The following PDE11A variants were observed in gnomAD, a reference collection of about 807,000 sequenced individuals.
The protein encoded by PDE11A is dual 3',5'-cyclic-AMP and -GMP phosphodiesterase 11A.
PDE11A carries 100 observed loss-of-function variants against 100.5 expected under a neutral mutation model. The observed-to-expected ratio is 1.00, with a 90% CI of 0.85 to 1.18. The LOEUF (loss-of-function observed/expected upper bound fraction) is 1.18. Among genes scored for constraint, PDE11A ranks in the 50% most tolerant of loss-of-function variants. The pLI, the probability that PDE11A is intolerant of heterozygous loss-of-function variation, is 0.00. For synonymous variants in PDE11A, 381 were observed against 420.8 expected, an observed-to-expected ratio of 0.91 and a Z score of 1.16; for missense variants, 1,141 against 1,152.6, an observed-to-expected ratio of 0.99 and a Z score of 0.15.
intron 9 of PDE11A, among the ~76,000 whole-genome samples, chr2:177,793,230 C>T (rs1375988609): frequency 6.6e-6 from 1 of 152,164 alleles, no homozygotes; most frequent in Admixed American, 6.5e-5. Flanking sequence ...AAGAGGCTGA[C>T]ATTGTCTCAT....
intron 2 of PDE11A, among the ~76,000 whole-genome samples, chr2:177,956,921 A>G (rs1253180510): frequency 1.3e-5 from 2 of 152,048 alleles, no homozygotes; most frequent in African/African-American, 4.8e-5. Context: ...GGGGTGGGGG[A>G]GGGATAGCAT....
At chr2:177,872,418 T>C (rs2084152408) in intron 5 of PDE11A, among the ~76,000 whole-genome samples, 1 of 152,192 alleles carries the variant, frequency 6.6e-6, no homozygotes, top group African/African-American at 2.4e-5. Flanking sequence ...TTTCCAGCTC[T>C]TGAATTGATT....
At position 177,853,730 on chromosome 2, in the gene PDE11A, G is replaced by GTA. The variant is rs1553482776; in HGVS notation, c.1368-13349_1368-13348dup. 2.1e-4 allele frequency among the ~76,000 whole-genome samples: 19 copies of GTA among 88,552 alleles called. 1 individual carries two copies. In the South Asian group the frequency reaches 2.3e-3, roughly 11 times the overall value. 58.1% of individuals were successfully genotyped at this position (88,552 alleles called of 152,430 possible). A position where few individuals can be genotyped will look rare whatever the true frequency, so the allele number is the denominator to read the frequency against. Reference sequence around the variant, plus strand: ...TGTGTGTGTTTGTGTGTGTGTGTGTGTATATCTATATGTGTGTATATATAT... The same window carrying GTA: ...TGTGTGTGTTTGTGTGTGTGTGTGTGTATATATCTATATGTGTGTATATATAT... On this transcript the variant is annotated intron_variant, in intron 5 of 19. Coordinates refer to ENST00000286063, the MANE Select transcript of PDE11A (RefSeq NM_016953.4).
chr2:177,648,977 A>G (rs2080264345), intron 19 of PDE11A, among the ~76,000 whole-genome samples: 1 of 152,190 alleles, frequency 6.6e-6, no homozygotes, highest in Non-Finnish European at 1.5e-5. Context: ...CATTTACAGA[A>G]GAAATACAAA....
chr2:177,788,328 C>T (rs1490531409), intron 9 of PDE11A, among the ~76,000 whole-genome samples: 2 of 144,512 alleles, frequency 1.4e-5, no homozygotes, highest in Admixed American at 6.8e-5. Context: ...TAAAGATGTT[C>T]TTTGAAACCA....
At chr2:177,887,566 C>A (rs900281722) in intron 4 of PDE11A, among the ~76,000 whole-genome samples, 1 of 152,044 alleles carries the variant, frequency 6.6e-6, no homozygotes, top group Non-Finnish European at 1.5e-5. Flanking sequence ...TGGTTTGAGA[C>A]CAGCTTGGGC....
chr2:177,816,960 A>G (rs779615921), intron 8 of PDE11A, 39 bp from the exon 9 acceptor site: 47 of 1,183,632 alleles, frequency 4.0e-5, no homozygotes, highest in Non-Finnish European at 5.8e-5. Flanking sequence ...CATTGCAGCA[A>G]CTCATTGGCA....
intron 2 of PDE11A, among the ~76,000 whole-genome samples, chr2:177,959,654 G>C (rs13406131): frequency 0.063 from 9,547 of 152,188 alleles, 308 homozygotes; most frequent in South Asian, 0.094. Context: ...GAACAATTGG[G>C]GGAATGGTGT....
intron 2 of PDE11A, among the ~76,000 whole-genome samples, chr2:178,078,035 G>A (rs940363445): frequency 2.0e-5 from 3 of 152,040 alleles, no homozygotes; most frequent in Non-Finnish European, 2.9e-5. Context: ...TTGTGGTAAT[G>A]TGTTACAGCA....
At position 178,032,619 on chromosome 2, in the gene PDE11A, A is replaced by G. The variant is rs983395601; in HGVS notation, c.913-18159T>C. ...TCCTTACTGGGAGAAACCTCCCAAC[A>G]GGGGTCGTCAGACACCTCATACAGG... On this transcript the variant is annotated intron_variant, in intron 1 of 19. Transcript: ENST00000286063. 2.6e-5 allele frequency among the ~76,000 whole-genome samples: 4 copies of G among 152,338 alleles called. No individual in the cohort carries two copies. In the East Asian group the frequency reaches 7.7e-4, roughly 29 times the overall value.
At chr2:178,092,149 T>C (rs2087431011) in intron 2 of PDE11A, among the ~76,000 whole-genome samples, 1 of 152,218 alleles carries the variant, frequency 6.6e-6, no homozygotes, top group Non-Finnish European at 1.5e-5. Flanking sequence ...AAAGCTAATG[T>C]CTTCTATATT....
At chr2:178,091,224 T>A (rs78893184) in intron 2 of PDE11A, among the ~76,000 whole-genome samples, 13,579 of 151,930 alleles carry the variant, frequency 0.089, 676 homozygotes, top group Middle Eastern at 0.13. Context: ...GCACGTACCA[T>A]CATGGACACC....
intron 2 of PDE11A, among the ~76,000 whole-genome samples, chr2:178,095,343 G>A (rs372904497): frequency 6.6e-6 from 1 of 152,190 alleles, no homozygotes; most frequent in Non-Finnish European, 1.5e-5. Context: ...AATCCAGCAC[G>A]GCAGTCAAAT....
intron 9 of PDE11A, among the ~76,000 whole-genome samples, chr2:177,783,411 G>T (rs959657116): frequency 6.6e-6 from 1 of 151,840 alleles, no homozygotes; most frequent in African/African-American, 2.4e-5. Context: ...TTTTGAGGTG[G>T]TTTTTTTCCC....
At chr2:177,905,245 T>C (rs1189950773) in intron 2 of PDE11A, 58 bp from the exon 3 acceptor site, 1 of 909,084 alleles carries the variant, frequency 1.1e-6, no homozygotes, top group East Asian at 2.4e-5. Context: ...ACATCCCTTG[T>C]AGACTAAATT....
chr2:177,792,909 C>T (rs913429431), intron 9 of PDE11A, among the ~76,000 whole-genome samples: 2 of 152,154 alleles, frequency 1.3e-5, no homozygotes, highest in African/African-American at 4.8e-5. Context: ...GCTACAAAGT[C>T]AAGTAGCAAA....
chr2:177,754,020 A>T (rs2082057436), intron 10 of PDE11A, among the ~76,000 whole-genome samples: 1 of 152,110 alleles, frequency 6.6e-6, no homozygotes, highest in African/African-American at 2.4e-5. Context: ...TTTCCAGCTG[A>T]CAGTGAGAGA....
At chr2:177,836,641 A>C (rs2083404704) in intron 6 of PDE11A, among the ~76,000 whole-genome samples, 2 of 152,184 alleles carry the variant, frequency 1.3e-5, no homozygotes, top group South Asian at 4.1e-4. Context: ...CTTTGCAATA[A>C]ATCTTGCTGC....
chr2:177,915,684 AAT>A (rs2105747529), intron 2 of PDE11A, among the ~76,000 whole-genome samples: 1 of 152,278 alleles, frequency 6.6e-6, no homozygotes, highest in Non-Finnish European at 1.5e-5. Context: ...GTGTAGACAT[AAT>A]TTTTTGACTC....
Sources: allele counts gnomAD v4.1 joint callset (sites outside exome capture counted in the v4.1 genomes callset), GRCh38; gene constraint gnomAD v4.1.1; transcripts MANE v1.5; gene names NCBI Gene and HGNC (gene_info 2026-07-23, HGNC 2026-07-21).